CNGA3: variants seen among roughly 807,000 people sequenced by gnomAD.
The protein encoded by CNGA3 is cyclic nucleotide-gated channel alpha-3.
Under a neutral mutation model 46.6 loss-of-function variants are expected in CNGA3, and 42 were observed. The observed-to-expected ratio is 0.90, with a 90% confidence interval of 0.70 to 1.17. CNGA3 has a LOEUF of 1.17. CNGA3 is among the 50% of genes most tolerant of loss of function. CNGA3 has a pLI of 0.00. For synonymous variants in CNGA3, 394 were observed against 369.4 expected, an observed-to-expected ratio of 1.07 and a Z score of -0.76; for missense variants, 893 against 890.7, an observed-to-expected ratio of 1.00 and a Z score of -0.03.
chr2:98,359,928 G>C (rs1691986593), intron 1 of CNGA3, among the ~76,000 whole-genome samples: 1 of 152,240 alleles, frequency 6.6e-6, no homozygotes, highest in Admixed American at 6.5e-5. Flanking sequence ...ACCATAGCTG[G>C]AGCAGGGGCA....
At chr2:98,351,239 G>GT (rs1394731535) in intron 1 of CNGA3, 1 of 152,214 alleles carries the variant, frequency 6.6e-6, no homozygotes, top group Admixed American at 6.5e-5. Context: ...GTGTACCTCG[G>GT]TTTGCTCCTC....
intron 1 of CNGA3, among the ~76,000 whole-genome samples, 172 bp downstream of exon 1, chr2:98,346,706 G>A (rs1558799573): frequency 6.6e-6 from 1 of 152,112 alleles, no homozygotes; most frequent in African/African-American, 2.4e-5. Flanking sequence ...GCTGAAACGG[G>A]CCGCGGGCTG....
At chr2:98,361,496 T>C (rs1030759417) in intron 1 of CNGA3, among the ~76,000 whole-genome samples, 1 of 152,156 alleles carries the variant, frequency 6.6e-6, no homozygotes, top group Admixed American at 6.5e-5. Context: ...AACATATGCA[T>C]GCCTGTATCT....
intron 5 of CNGA3, 96 bp downstream of exon 5, chr2:98,383,537 C>A (rs528928097): frequency 1.8e-6 from 2 of 1,117,764 alleles, no homozygotes; most frequent in South Asian, 1.2e-5. Context: ...TGCTCCTGCT[C>A]CCCACTCCCA....
intron 3 of CNGA3, 114 bp from the exon 4 acceptor site, chr2:98,380,061 A>T: frequency 7.9e-7 from 1 of 1,260,720 alleles, no homozygotes; most frequent in South Asian, 1.2e-5. Context: ...CTTCTGCCCC[A>T]TCCCTTGAGA....
intron 1 of CNGA3, among the ~76,000 whole-genome samples, chr2:98,358,020 G>A (rs576447940): frequency 2.6e-5 from 4 of 152,334 alleles, no homozygotes; most frequent in East Asian, 3.9e-4. Flanking sequence ...GGATTCACGC[G>A]TGATGGATAT....
At position 98,398,575 on chromosome 2, in the gene CNGA3, A is replaced by G. The variant is rs1692978143; in HGVS notation, c.*1320A>G. The stretch of plus-strand genomic sequence containing the variant: ...ATGCCTGCATTCATATTTGCACAGG[A>G]AAAATAAAGACCTGGATTTAAAAAT... On this transcript the variant is annotated 3_prime_UTR_variant, in exon 8 of 8. Coordinates refer to ENST00000272602, the MANE Select transcript of CNGA3 (RefSeq NM_001298.3). 6.6e-6 allele frequency: 1 copy of G among 152,172 alleles called. No individual in the cohort carries two copies. The highest frequency in any genetic ancestry group is 1.9e-4 in the East Asian group (1 of 5,200). 9.4% of individuals were successfully genotyped at this position (152,172 alleles called of 1,614,324 possible).
chr2:98,380,811 C>G lies in CNGA3; in HGVS notation c.395+457C>G, dbSNP rs146437416. 2.0e-3 allele frequency among the ~76,000 whole-genome samples: 300 copies of G among 152,168 alleles called. 1 individual carries two copies. Among genetic ancestry groups the G allele is most frequent in the African/African-American group, 6.8e-3 (282 of 41,510 alleles). On this transcript the variant is annotated intron_variant, in intron 4 of 7. Coordinates refer to ENST00000272602, the MANE Select transcript of CNGA3 (RefSeq NM_001298.3). ...GTATCCACAAGTTTATGTGTAGGCA[C>G]GCGTGCATTTTTCTGGGAAGAGAGT...
chr2:98,383,755 G>T (rs1396876846), intron 5 of CNGA3, among the ~76,000 whole-genome samples: 1 of 152,192 alleles, frequency 6.6e-6, no homozygotes, highest in Non-Finnish European at 1.5e-5. Context: ...ATATCTGAGG[G>T]TGCAGAACCG....
intron 1 of CNGA3, among the ~76,000 whole-genome samples, chr2:98,360,378 G>A (rs1692002262): frequency 6.6e-6 from 1 of 152,210 alleles, no homozygotes; most frequent in Non-Finnish European, 1.5e-5. Flanking sequence ...GGGGGCTGAA[G>A]GAAGGGGCAC....
intron 5 of CNGA3, among the ~76,000 whole-genome samples, chr2:98,388,751 A>G (rs1014131316): frequency 3.9e-4 from 60 of 152,318 alleles, no homozygotes; most frequent in African/African-American, 1.4e-3. Flanking sequence ...GGAAGATACA[A>G]TGTTCACAAA....
intron 1 of CNGA3, among the ~76,000 whole-genome samples, chr2:98,363,752 T>G (rs1359720419): frequency 6.6e-6 from 1 of 152,186 alleles, no homozygotes; most frequent in African/African-American, 2.4e-5. Flanking sequence ...CCTAGTACAA[T>G]ACCTATGTAC....
At chr2:98,393,539 C>T (rs777266198) in intron 7 of CNGA3, among the ~76,000 whole-genome samples, 5 of 152,218 alleles carry the variant, frequency 3.3e-5, no homozygotes, top group Non-Finnish European at 7.3e-5. Context: ...ACCTCAGATA[C>T]ACAGGCTGAG....
intron 3 of CNGA3, chr2:98,379,853 C>T (rs1692497495): frequency 2.3e-6 from 1 of 436,402 alleles, no homozygotes; most frequent in East Asian, 4.5e-5. Flanking sequence ...GTGAGCTAAT[C>T]CCCCATTTGA....
rs553995770 is a variant in CNGA3 at position 98,391,930 on chromosome 2, T to C, written c.633T>C (p.Asp211=). The C allele has an allele frequency of 1.5e-5, 25 of 1,614,170 alleles. No homozygotes were observed. In the African/African-American group the frequency reaches 3.3e-4, roughly 22 times the overall value. The change falls in exon 7 of 8, where the codon GAT becomes GAC. Residue 211 remains aspartate, a synonymous_variant. Coordinates refer to ENST00000272602, the MANE Select transcript of CNGA3 (RefSeq NM_001298.3). ...GGCTGGTCCTGGACTACTCGGCAGA[T>C]GTCCTGTATGTCTTGGATGTGCTTG... ...MLWLVLDYSA[D]VLYVLDVLVR...
rs746703390 is a variant in CNGA3 at position 98,383,383 on chromosome 2, C to T, written c.396-5C>T. 1.4e-5 allele frequency: 23 copies of T among 1,613,980 alleles called. No individual in the cohort carries two copies. Among genetic ancestry groups the T allele is most frequent in the Admixed American group, 5.0e-5 (3 of 59,994 alleles). Reference sequence around the variant, plus strand: ...ACCCTTGATGTTCTCTCTACCTTCCCGCAGCGCCTGGCCCCTGGCCAAATG... The same window carrying T: ...ACCCTTGATGTTCTCTCTACCTTCCTGCAGCGCCTGGCCCCTGGCCAAATG... On this transcript the variant is annotated splice_polypyrimidine_tract_variant and splice_region_variant and intron_variant, in intron 4 of 7. Coordinates refer to ENST00000272602, the MANE Select transcript of CNGA3 (RefSeq NM_001298.3).
At chr2:98,366,162 C>G (rs146337189) in intron 1 of CNGA3, among the ~76,000 whole-genome samples, 1 of 152,210 alleles carries the variant, frequency 6.6e-6, no homozygotes, top group Non-Finnish European at 1.5e-5. Context: ...TGTAGGGCTG[C>G]TGCAGTTTGC....
At chr2:98,395,818 C>T in intron 7 of CNGA3, 26 bp from the exon 8 acceptor site, 1 of 1,609,752 alleles carries the variant, frequency 6.2e-7, no homozygotes. Context: ...TCTGTGATGC[C>T]CAATGACCTC....
At chr2:98,361,596 G>A (rs1190869725) in intron 1 of CNGA3, among the ~76,000 whole-genome samples, 2 of 151,778 alleles carry the variant, frequency 1.3e-5, no homozygotes, top group Non-Finnish European at 1.5e-5. Flanking sequence ...GGTCTTTGAG[G>A]AATTGCCACA....
Sources: allele counts gnomAD v4.1 joint callset (sites outside exome capture counted in the v4.1 genomes callset), GRCh38; gene constraint gnomAD v4.1.1; transcripts MANE v1.5; gene names NCBI Gene and HGNC (gene_info 2026-07-23, HGNC 2026-07-21).